COL2A1: variants seen among roughly 807,000 people sequenced by gnomAD.
COL2A1 encodes collagen alpha-1(II) chain.
A neutral mutation model predicts 204.5 loss-of-function variants in COL2A1; 28 were observed. The ratio of observed to expected loss-of-function variants is 0.14; its 90% confidence interval spans 0.10 to 0.19. The LOEUF is 0.19. Among genes scored for constraint, COL2A1 ranks in the 10% least tolerant of loss-of-function variants. The pLI is 1.00. For synonymous variants in COL2A1, 708 were observed against 718.7 expected (o/e 0.99, Z 0.24); for missense variants, 1,388 against 2,027.5 (o/e 0.68, Z 6.06).
At chr12:47,997,788 G>A (rs1940031906) in intron 6 of COL2A1, 81 bp from the exon 7 acceptor site, 29 of 1,610,172 alleles carry the variant, frequency 1.8e-5, no homozygotes, top group Non-Finnish European at 2.4e-5. Context: ...TCTTTAAGAG[G>A]TGACCAGGCC....
chr12:47,986,468 C>T, intron 22 of COL2A1, 25 bp from the exon 23 acceptor site: 1 of 1,439,118 alleles, frequency 6.9e-7, no homozygotes, highest in Non-Finnish European at 9.6e-7. Flanking sequence ...AAAAGAGAAA[C>T]AGAGTGAGCC....
Position 47,986,192 on chromosome 12 carries a change from C to T in COL2A1, c.1527+144G>A, listed in dbSNP as rs558789015. 4 of 753,590 alleles carry T rather than the reference C, an allele frequency of 5.3e-6. No homozygotes were observed. The East Asian group carries it at 8.0e-5, about 15-fold the overall frequency. The allele number at this position is 753,590 out of a possible 1,614,324, so 46.7% of individuals were successfully genotyped here. ...TGGCGGCACAAATCAGGATCAGACT[C>T]CCTCTCCCCGCGGTGTGGATGGAGA... On this transcript the variant is annotated intron_variant, in intron 23 of 53. Transcript: ENST00000380518.
In COL2A1 at chr12:47,975,452, G is replaced by T; in HGVS notation, c.3751C>A (p.His1251Asn). The T allele has an allele frequency of 6.2e-7, 1 of 1,614,138 alleles. No individual in the cohort carries two copies. The highest frequency in any genetic ancestry group is 8.5e-7 in the Non-Finnish European group (1 of 1,180,044). ...ADQAAGGLRQ[H>N]DAEVDATLKS... The stretch of plus-strand genomic sequence containing the variant: ...AGTGTGGCATCCACCTCGGCGTCAT[G>T]CTGTCTCAGGCCACCGGCTGCCTGG... The change falls in exon 51 of 54, where the codon CAT becomes AAT. Residue 1251 changes from histidine (H) to asparagine (N), a missense_variant. This residue lies in a region of COL2A1 where 303 missense variants were observed against 369.2 expected (regional missense o/e 0.82). Coordinates refer to ENST00000380518, the MANE Select transcript of COL2A1 (RefSeq NM_001844.5).
intron 16 of COL2A1, among the ~76,000 whole-genome samples, chr12:47,992,411 A>G (rs1045139168): frequency 3.9e-5 from 6 of 152,218 alleles, no homozygotes; most frequent in African/African-American, 9.6e-5. Flanking sequence ...AAACACAGGA[A>G]GTGCCTATGG....
At chr12:47,986,552 G>A (rs1447126955) in intron 22 of COL2A1, 109 bp from the exon 23 acceptor site, 1 of 778,224 alleles carries the variant, frequency 1.3e-6, no homozygotes, top group Non-Finnish European at 2.2e-6. Context: ...CAGGGCTGGG[G>A]GGGGGCTTGA....
At position 47,979,532 on chromosome 12, in the gene COL2A1, G is replaced by A. The variant is rs765332234; in HGVS notation, c.2712C>T (p.Arg904=). The change falls in exon 41 of 54, where the codon CGC becomes CGT. Residue 904 remains arginine (R), a synonymous_variant. Coordinates refer to ENST00000380518, the MANE Select transcript of COL2A1 (RefSeq NM_001844.5). The part of the protein sequence containing the change: ...GATGFPGAAG[R]VGPPGSNGNP... ...TTACATTGGAGCCTGGGGGTCCAAC[G>A]CGGCCAGCAGCTCCAGGGAATCCAG... 1.4e-5 allele frequency: 22 copies of A among 1,613,420 alleles called. No homozygotes were observed. The African/African-American group carries it at 1.9e-4, about 14-fold the overall frequency.
Position 47,987,642 on chromosome 12 carries a change from G to A in COL2A1, c.1190C>T (p.Thr397Ile), listed in dbSNP as rs749993924. ...GAQGPRGEPG[T>I]PGSPGPAGAS... ...ACCAGCAGGCCCAGGGGACCCAGGAGTACCAGGTTCACCGCGAGGACCTTG... is the reference window on the plus strand; with the variant it reads ...ACCAGCAGGCCCAGGGGACCCAGGAATACCAGGTTCACCGCGAGGACCTTG... The change falls in exon 19 of 54, where the codon ACT (threonine) becomes ATT (isoleucine). Residue 397 changes from threonine (T) to isoleucine (I), a missense_variant. Physicochemically the swap from Thr to Ile is moderately conservative, Grantham distance 89. This residue lies in a region of COL2A1 where 884 missense variants were observed against 1,415.8 expected (regional missense o/e 0.62). Coordinates refer to ENST00000380518, the MANE Select transcript of COL2A1 (RefSeq NM_001844.5). The surrounding 1 kb of genome is among the most constrained non-coding windows in gnomAD (Gnocchi z 4.1). The A allele has an allele frequency of 1.2e-6, 2 of 1,613,342 alleles. No homozygotes were observed. The highest frequency in any genetic ancestry group is 2.2e-5 in the South Asian group (2 of 90,836).
In COL2A1 at chr12:47,981,354, G is replaced by A. The variant is rs1345434851; in HGVS notation, c.2452C>T (p.Arg818Cys). 10 of 1,612,942 alleles carry A rather than the reference G, an allele frequency of 6.2e-6. No homozygotes were observed. Among genetic ancestry groups the A allele is most frequent in the African/African-American group, 2.7e-5 (2 of 75,054 alleles). The stretch of plus-strand genomic sequence containing the variant: ...GGGCAGACACTCACCGGAGCGCCAC[G>A]AGCACCAGCACTTCCTGCAGGACCA... The part of the protein sequence containing the change: ...PPGPAGSAGA[R>C]GAPGERGETG... Residue 818 changes from arginine (R) to cysteine (C), a missense_variant, in exon 37 of 54, where the codon CGT (arginine) becomes TGT (cysteine). Transcript: ENST00000380518.
At chr12:47,982,746 C>A in intron 33 of COL2A1, 102 bp downstream of exon 33, 1 of 1,310,548 alleles carries the variant, frequency 7.6e-7, no homozygotes, top group Non-Finnish European at 1.1e-6. Flanking sequence ...CCAGCTCCCC[C>A]CACTTCTGTT....
At chr12:47,982,215 T>C in intron 34 of COL2A1, 55 bp from the exon 35 acceptor site, 1 of 1,509,040 alleles carries the variant, frequency 6.6e-7, no homozygotes, top group East Asian at 2.3e-5. Flanking sequence ...CCCCCATGGT[T>C]TGCTCAGTCC....
Position 47,977,704 on chromosome 12 carries a change from C to G in COL2A1, c.3112-51G>C, listed in dbSNP as rs772366228. On this transcript the variant is annotated intron_variant, in intron 44 of 53. Coordinates refer to ENST00000380518, the MANE Select transcript of COL2A1 (RefSeq NM_001844.5). ...CTTAGAGCTGCTTCCTGCCCATCTC[C>G]CCCTCTGCTCCCCCAGCCCCTCTCA... 1.8e-5 allele frequency: 29 copies of G among 1,577,208 alleles called. No individual in the cohort carries two copies. In the South Asian group the frequency reaches 2.9e-4, roughly 16 times the overall value.
rs11443755 is a variant in COL2A1, at chr12:47,979,935, A to AC, written c.2679+73dup. 1,172,205 of 1,284,832 alleles carry AC rather than the reference A, an allele frequency of 0.91. 535,561 individuals are homozygous for AC. Among genetic ancestry groups the AC allele is most frequent in the East Asian group, 1 (39,481 of 39,528 alleles). The allele number at this position is 1,284,832 out of a possible 1,614,324, so 79.6% of individuals were successfully genotyped here. A position where few individuals can be genotyped will look rare whatever the true frequency, so the allele number is the denominator to read the frequency against. ...AAAACAGTCGGGGGCATCCCAGAACACCCCCGCCATGGGAGCCTCTGGGGC... is the reference window on the plus strand; with the variant it reads ...AAAACAGTCGGGGGCATCCCAGAACACCCCCCGCCATGGGAGCCTCTGGGGC... On this transcript the variant is annotated intron_variant, in intron 40 of 53. Transcript: ENST00000380518.
intron 41 of COL2A1, 52 bp downstream of exon 41, chr12:47,979,459 G>T: frequency 6.3e-7 from 1 of 1,591,802 alleles, no homozygotes; most frequent in Non-Finnish European, 8.6e-7. Context: ...TGGGTGCTGG[G>T]CCAGGCTATT....
At chr12:47,995,657 G>C in intron 10 of COL2A1, 53 bp downstream of exon 10, 1 of 1,544,862 alleles carries the variant, frequency 6.5e-7, no homozygotes, top group East Asian at 2.2e-5. Flanking sequence ...GGTCCTAGTG[G>C]TCTATCATTA....
At position 48,004,305 on chromosome 12, in the gene COL2A1, G is replaced by T. The variant is rs369359592; in HGVS notation, c.17C>A (p.Ala6Asp). Residue 6 changes from alanine (A) to aspartate (D), a missense_variant, in exon 1 of 54, where the codon GCT becomes GAT. Physicochemically the swap from Ala to Asp is moderately radical, Grantham distance 126. Transcript: ENST00000380518. MIRLGAPQTLVLLTLL... is the reference protein window; with the variant it reads MIRLGDPQTLVLLTLL... ...CGTCAGCAGCACCAGCGTCTGGGGA[G>T]CCCCGAGGCGAATCATGGCTCACCG... 1.1e-4 allele frequency: 167 copies of T among 1,548,920 alleles called. No individual in the cohort carries two copies. In the East Asian group the frequency reaches 3.2e-3, roughly 30 times the overall value.
Position 47,987,116 on chromosome 12 carries a change from G to C in COL2A1, c.1327C>G (p.Gln443Glu). 1 of 1,614,128 alleles carries C rather than the reference G, an allele frequency of 6.2e-7. No individual in the cohort carries two copies. The highest frequency in any genetic ancestry group is 8.5e-7 in the Non-Finnish European group (1 of 1,180,010). ...GGGCCCAGAGGACCAGTTGCACCTT[G>C]AGGGCCAGGAGGGCCCCGTGGCCCA... The part of the protein sequence containing the change: ...FPGPRGPPGP[Q>E]GATGPLGPKG... The change falls in exon 21 of 54, where the codon CAA becomes GAA. Residue 443 changes from glutamine to glutamate, a missense_variant. Around this residue, in one of 3 missense-constraint regions of COL2A1, gnomAD observed 884 missense variants for 1,415.8 expected, o/e 0.62. Transcript: ENST00000380518. The surrounding 1 kb of genome is among the most constrained non-coding windows in gnomAD (Gnocchi z 4.1).
intron 28 of COL2A1, 89 bp downstream of exon 28, chr12:47,984,457 G>T (rs1011601688): frequency 3.6e-6 from 5 of 1,383,856 alleles, no homozygotes; most frequent in Non-Finnish European, 5.1e-6. Context: ...GAGGGGTCCC[G>T]GGACCATGCC....
chr12:47,976,888 T>G lies in COL2A1; in HGVS notation c.3359A>C (p.Glu1120Ala), dbSNP rs1478186152. Residue 1120 changes from glutamate to alanine, a missense_variant, in exon 48 of 54, where the codon GAG becomes GCG. By Grantham distance (107) the Glu-to-Ala change is moderately radical (BLOSUM62 -1). Transcript: ENST00000380518. This position sits in a 1 kb window ranked among gnomAD's most constrained non-coding sequence, Gnocchi z 4.3. ...GPQGPRGDKG[E>A]AGEPGERGLK... Reference sequence around the variant, plus strand: ...GCCTCTCTCGCCAGGCTCTCCAGCCTCTCCTTTGTCACCTCTGGGGCCTTG... The same window carrying G: ...GCCTCTCTCGCCAGGCTCTCCAGCCGCTCCTTTGTCACCTCTGGGGCCTTG... 6.2e-7 allele frequency: 1 copy of G among 1,610,610 alleles called. No homozygotes were observed. Among genetic ancestry groups the G allele is most frequent in the South Asian group, 1.1e-5 (1 of 90,194 alleles).
At chr12:47,985,689 G>A in intron 25 of COL2A1, 39 bp downstream of exon 25, 1 of 1,611,476 alleles carries the variant, frequency 6.2e-7, no homozygotes, top group Non-Finnish European at 8.5e-7. Context: ...AAGGGCCTGA[G>A]GGTCTGAAGC....
Sources: allele counts gnomAD v4.1 joint callset (sites outside exome capture counted in the v4.1 genomes callset), GRCh38; gene constraint gnomAD v4.1.1; regional missense constraint gnomAD v4.1.1; non-coding constraint Gnocchi (gnomAD v3.1); transcripts MANE v1.5; gene names NCBI Gene and HGNC (gene_info 2026-07-23, HGNC 2026-07-21).